Variants in ADAMTS17 observed in about 807,000 individuals in gnomAD.
The protein encoded by ADAMTS17 is ADAM metallopeptidase with thrombospondin type 1 motif 17, also known as A disintegrin and metalloproteinase with thrombospondin motifs 17.
In ADAMTS17, 113 loss-of-function variants were observed where a neutral mutation model predicts 141.5. The observed-to-expected ratio is 0.80, with a 90% CI of 0.69 to 0.93. ADAMTS17 has a LOEUF of 0.93. ADAMTS17 is among the 40% of genes least tolerant of loss of function. The probability of loss-of-function intolerance (pLI) is 0.00; values close to 1 mark genes in which losing one functional copy is unlikely to be tolerated. For synonymous variants in ADAMTS17, 768 were observed against 630.6 expected, an observed-to-expected ratio of 1.22 and a Z score of -3.27; for missense variants, 1,659 against 1,517.9, an observed-to-expected ratio of 1.09 and a Z score of -1.54.
chr15:100,073,444 T>C (rs1381256421), intron 15 of ADAMTS17, among the ~76,000 whole-genome samples: 2 of 152,048 alleles, frequency 1.3e-5, no homozygotes, highest in Non-Finnish European at 1.5e-5. Flanking sequence ...AATCATGCTG[T>C]TATAAAGACA....
At chr15:100,298,141 T>G (rs1318275546) in intron 3 of ADAMTS17, among the ~76,000 whole-genome samples, 1 of 152,012 alleles carries the variant, frequency 6.6e-6, no homozygotes, top group Non-Finnish European at 1.5e-5. Context: ...GGCGCAAACT[T>G]TGGAGAAGTC....
At chr15:100,248,578 G>A (rs1041834919) in intron 7 of ADAMTS17, among the ~76,000 whole-genome samples, 2 of 152,216 alleles carry the variant, frequency 1.3e-5, no homozygotes, top group African/African-American at 4.8e-5. Flanking sequence ...ATTCAACAGA[G>A]GAAATGTGCA....
At chr15:100,004,238 A>G (rs1186608099) in intron 18 of ADAMTS17, among the ~76,000 whole-genome samples, 4 of 152,280 alleles carry the variant, frequency 2.6e-5, no homozygotes, top group East Asian at 1.9e-4. Context: ...AGCACTCCGC[A>G]GCGTATTTTA....
At chr15:100,006,954 G>A (rs922534101) in intron 18 of ADAMTS17, among the ~76,000 whole-genome samples, 2 of 152,188 alleles carry the variant, frequency 1.3e-5, no homozygotes, top group Non-Finnish European at 2.9e-5. Context: ...CGGTCAACCC[G>A]CTCAGTCTCA....
chr15:100,216,637 C>T (rs577941873), intron 7 of ADAMTS17, among the ~76,000 whole-genome samples: 84 of 152,290 alleles, frequency 5.5e-4, no homozygotes, highest in African/African-American at 1.9e-3. Context: ...GCTCACGGAA[C>T]CCTTTTTCCC....
chr15:100,144,470 A>T (rs941882464), intron 10 of ADAMTS17, among the ~76,000 whole-genome samples: 5 of 152,030 alleles, frequency 3.3e-5, no homozygotes, highest in Admixed American at 3.3e-4. Context: ...GAATCGCTTG[A>T]ATCTGGGAGG....
intron 15 of ADAMTS17, among the ~76,000 whole-genome samples, chr15:100,064,745 A>G (rs2033391619): frequency 6.6e-6 from 1 of 152,242 alleles, no homozygotes; most frequent in East Asian, 1.9e-4. Flanking sequence ...GGAAGCTGCC[A>G]GGGCAGAAGC....
chr15:100,022,333 G>A (rs372659461), intron 18 of ADAMTS17, among the ~76,000 whole-genome samples: 2 of 152,136 alleles, frequency 1.3e-5, no homozygotes, highest in African/African-American at 2.4e-5. Flanking sequence ...ACCCCACTAA[G>A]GCAGCGTGTG....
At chr15:100,113,444 C>T (rs2036916408) in intron 13 of ADAMTS17, among the ~76,000 whole-genome samples, 1 of 152,154 alleles carries the variant, frequency 6.6e-6, no homozygotes, top group South Asian at 2.1e-4. Context: ...CTATGGGGTG[C>T]TCTCCTGGAG....
intron 3 of ADAMTS17, among the ~76,000 whole-genome samples, chr15:100,299,100 T>C (rs1416224623): frequency 6.6e-6 from 1 of 152,142 alleles, no homozygotes; most frequent in African/African-American, 2.4e-5. Context: ...CATCACCTTA[T>C]TTTAACTTAA....
At chr15:100,336,590 A>T (rs1426082386) in intron 2 of ADAMTS17, among the ~76,000 whole-genome samples, 1 of 152,172 alleles carries the variant, frequency 6.6e-6, no homozygotes, top group African/African-American at 2.4e-5. Flanking sequence ...ATCACTTAGG[A>T]CTACGTACCT....
chr15:100,313,211 C>T lies in ADAMTS17; in HGVS notation c.616+17678G>A, dbSNP rs187157513. On this transcript the variant is annotated intron_variant, in intron 3 of 21. Coordinates refer to ENST00000268070, the MANE Select transcript of ADAMTS17 (RefSeq NM_139057.4). ...ACTAATATCTAAACTGAAAATAACA[C>T]ACACACACAAAACAATATTATAGGG... 1.5e-3 allele frequency among the ~76,000 whole-genome samples: 230 copies of T among 152,222 alleles called. 2 individuals are homozygous for T. The highest frequency in any genetic ancestry group is 1.1e-3 in the Non-Finnish European group (77 of 68,016).
At position 100,096,383 on chromosome 15, in the gene ADAMTS17, C is replaced by A. The variant is rs2035758320; in HGVS notation, c.2110G>T (p.Gly704Cys). The change falls in exon 15 of 22, where the codon GGC (glycine) becomes TGC (cysteine). Residue 704 changes from glycine to cysteine, a missense_variant. By Grantham distance (159) the Gly-to-Cys change is radical. Coordinates refer to ENST00000268070, the MANE Select transcript of ADAMTS17 (RefSeq NM_139057.4). ...GDGKTCHLVKGDFSHARGTAL... is the reference protein window; with the variant it reads ...GDGKTCHLVKCDFSHARGTAL... ...GTCCCCCGGGCGTGGCTGAAGTCGCCCTTCACCAAGTGGCAGGTCTTGCCG... is the reference window on the plus strand; with the variant it reads ...GTCCCCCGGGCGTGGCTGAAGTCGCACTTCACCAAGTGGCAGGTCTTGCCG... The A allele has an allele frequency of 6.2e-7, 1 of 1,614,090 alleles. No individual in the cohort carries two copies. Among genetic ancestry groups the A allele is most frequent in the South Asian group, 1.1e-5 (1 of 91,084 alleles).
chr15:100,206,689 C>T (rs2041580222), intron 7 of ADAMTS17, among the ~76,000 whole-genome samples: 2 of 152,186 alleles, frequency 1.3e-5, no homozygotes, highest in Non-Finnish European at 2.9e-5. Context: ...AAATAATCTC[C>T]TCCATGTGGG....
intron 12 of ADAMTS17, among the ~76,000 whole-genome samples, chr15:100,124,647 C>T (rs949585187): frequency 2.6e-5 from 4 of 152,258 alleles, no homozygotes; most frequent in Admixed American, 2.0e-4. Flanking sequence ...TGCGCCCCAA[C>T]ACACATGCTC....
intron 8 of ADAMTS17, among the ~76,000 whole-genome samples, chr15:100,167,942 C>T (rs1238204172): frequency 2.6e-5 from 4 of 152,224 alleles, no homozygotes; most frequent in African/African-American, 9.7e-5. Context: ...GGGGCCTGCT[C>T]TGGCCCAGGA....
intron 7 of ADAMTS17, among the ~76,000 whole-genome samples, chr15:100,234,088 C>CA (rs560095550): frequency 5.4e-4 from 82 of 152,290 alleles, no homozygotes; most frequent in African/African-American, 1.9e-3. Flanking sequence ...GGAGACCCAG[C>CA]AGGCAAGGGC....
chr15:100,176,428 C>T (rs529664555), intron 8 of ADAMTS17, among the ~76,000 whole-genome samples: 162 of 152,234 alleles, frequency 1.1e-3, no homozygotes, highest in African/African-American at 2.8e-3. Context: ...TTAATTGGTA[C>T]GAAGTGTGAC....
intron 14 of ADAMTS17, among the ~76,000 whole-genome samples, chr15:100,108,041 G>A (rs998242561): frequency 3.9e-5 from 6 of 152,154 alleles, no homozygotes; most frequent in Non-Finnish European, 8.8e-5. Flanking sequence ...GGGACAAAAT[G>A]GGAGCATGGA....
Sources: gnomAD v4.1 joint callset for allele counts (sites outside exome capture counted in the v4.1 genomes callset) on GRCh38, gnomAD v4.1.1 for gene constraint, MANE v1.5 for transcripts, NCBI Gene and HGNC (gene_info 2026-07-23, HGNC 2026-07-21) for gene names.